The following ATP8A1 variants were observed in gnomAD, a reference collection of about 807,000 sequenced individuals.
The protein encoded by ATP8A1 is phospholipid-transporting ATPase IA.
In ATP8A1, 90 loss-of-function variants were observed where a neutral mutation model predicts 177.7. The observed-to-expected ratio is 0.51, with a 90% CI of 0.43 to 0.60. The LOEUF is 0.60. Among genes scored for constraint, ATP8A1 ranks in the 20% least tolerant of loss-of-function variants. The pLI is 0.00. For missense variants in ATP8A1, 1,072 were observed against 1,392.8 expected (o/e 0.77, Z 3.67); for synonymous variants, 493 against 485.9 (o/e 1.01, Z -0.19).
chr4:42,560,779 G>A (rs1730737037), intron 15 of ATP8A1, among the ~76,000 whole-genome samples: 1 of 152,072 alleles, frequency 6.6e-6, no homozygotes, highest in African/African-American at 2.4e-5. Flanking sequence ...CACTTAGGTT[G>A]CACAGAGAAA....
rs372750011 is a variant in ATP8A1, at chr4:42,468,722, G to A, written c.2325-3646C>T. On this transcript the variant is annotated intron_variant, in intron 25 of 36. Coordinates refer to ENST00000381668, the MANE Select transcript of ATP8A1 (RefSeq NM_006095.2). ...AAATTGGGTACAGTGTATACTGCTC[G>A]GGTGATGGGTACACAAAATCTCACA... Among the ~76,000 whole-genome samples the A allele has an allele frequency of 2.7e-4, 41 of 152,168 alleles. No individual in the cohort carries two copies. The East Asian group carries it at 2.9e-3, about 11-fold the overall frequency.
At chr4:42,612,820 A>G (rs748342834) in intron 5 of ATP8A1, among the ~76,000 whole-genome samples, 2 of 152,196 alleles carry the variant, frequency 1.3e-5, no homozygotes, top group African/African-American at 4.8e-5. Context: ...AGACAAGTTT[A>G]TATTTCTGAA....
intron 20 of ATP8A1, among the ~76,000 whole-genome samples, chr4:42,532,445 C>A (rs1560428890): frequency 6.6e-6 from 1 of 151,724 alleles, no homozygotes; most frequent in Non-Finnish European, 1.5e-5. Context: ...GAGATCGTGC[C>A]ACTGTACTCC....
In ATP8A1 at chr4:42,632,708, A is replaced by G. The variant is rs143097927; in HGVS notation, c.50-5599T>C. 6.1e-3 allele frequency among the ~76,000 whole-genome samples: 936 copies of G among 152,316 alleles called. 11 individuals are homozygous for G. The highest frequency in any genetic ancestry group is 0.021 in the African/African-American group (875 of 41,570). On this transcript the variant is annotated intron_variant, in intron 1 of 36. Transcript: ENST00000381668. The stretch of plus-strand genomic sequence containing the variant: ...AAGGATGCTGGTGGGTCACTATCCT[A>G]ATTATGACTCTGAAGTGAGCAAGTG...
At chr4:42,500,759 T>A (rs1723780333) in intron 24 of ATP8A1, among the ~76,000 whole-genome samples, 1 of 152,208 alleles carries the variant, frequency 6.6e-6, no homozygotes, top group Non-Finnish European at 1.5e-5. Context: ...GGTTTCCCTA[T>A]CAGGTCTGTA....
intron 1 of ATP8A1, among the ~76,000 whole-genome samples, chr4:42,636,142 ACACAC>A: frequency 3.1e-5 from 1 of 32,378 alleles, no homozygotes; most frequent in African/African-American, 6.9e-5. Context: ...ACACACACAC[ACACAC>A]ACACACACAC....
At chr4:42,556,186 TC>T in intron 15 of ATP8A1, 146 bp from the exon 16 acceptor site, 1 of 473,642 alleles carries the variant, frequency 2.1e-6, no homozygotes, top group Admixed American at 4.2e-5. Flanking sequence ...AAGTAAGACA[TC>T]ACAGATTTCA....
At chr4:42,427,496 G>A (rs1160403957) in intron 33 of ATP8A1, among the ~76,000 whole-genome samples, 1 of 152,216 alleles carries the variant, frequency 6.6e-6, no homozygotes. Flanking sequence ...GGAGTGAGAG[G>A]TGTATGGTGG....
chr4:42,453,596 C>A (rs1366987670), intron 29 of ATP8A1, among the ~76,000 whole-genome samples: 2 of 152,128 alleles, frequency 1.3e-5, no homozygotes, highest in East Asian at 3.9e-4. Context: ...TTCCTGGCCA[C>A]AAAAATGTGT....
intron 22 of ATP8A1, among the ~76,000 whole-genome samples, chr4:42,508,073 T>C (rs943011213): frequency 2.6e-5 from 4 of 152,184 alleles, no homozygotes; most frequent in Non-Finnish European, 4.4e-5. Context: ...TCATTAGATA[T>C]TGTCTTGTAC....
intron 6 of ATP8A1, among the ~76,000 whole-genome samples, chr4:42,596,594 G>A (rs1734734222): frequency 6.6e-6 from 1 of 150,786 alleles, no homozygotes; most frequent in South Asian, 2.1e-4. Context: ...TTGAACCCAG[G>A]AGGTGGAGGT....
chr4:42,439,288 T>C (rs951956875), intron 33 of ATP8A1, among the ~76,000 whole-genome samples: 15 of 152,208 alleles, frequency 9.9e-5, no homozygotes, highest in Non-Finnish European at 8.8e-5. Flanking sequence ...GCTGCTTAAG[T>C]ATCACAGTGG....
intron 1 of ATP8A1, among the ~76,000 whole-genome samples, chr4:42,646,757 G>T (rs1695077188): frequency 6.6e-6 from 1 of 152,154 alleles, no homozygotes. Context: ...GCCCTAGATG[G>T]ATCAAGATCA....
At chr4:42,483,444 T>C (rs1721896594) in intron 25 of ATP8A1, among the ~76,000 whole-genome samples, 1 of 151,350 alleles carries the variant, frequency 6.6e-6, no homozygotes, top group African/African-American at 2.4e-5. Flanking sequence ...CTCATGGTCT[T>C]GAAACATGCA....
intron 20 of ATP8A1, 47 bp from the exon 21 acceptor site, chr4:42,524,894 T>A (rs747282796): frequency 7.9e-7 from 1 of 1,272,776 alleles, no homozygotes; most frequent in Non-Finnish European, 1.1e-6. Flanking sequence ...GCATTCTGGG[T>A]TTAATAAAGT....
chr4:42,648,436 C>T (rs1740768198), intron 1 of ATP8A1, among the ~76,000 whole-genome samples: 1 of 151,926 alleles, frequency 6.6e-6, no homozygotes, highest in Non-Finnish European at 1.5e-5. Context: ...GGAAGCACCT[C>T]AAATCAGTGT....
At chr4:42,517,772 G>C (rs191210448) in intron 22 of ATP8A1, among the ~76,000 whole-genome samples, 2 of 152,334 alleles carry the variant, frequency 1.3e-5, no homozygotes, top group African/African-American at 2.4e-5. Context: ...CCATATGAAT[G>C]CAAGTATTGG....
At chr4:42,562,732 G>T (rs971797485) in intron 15 of ATP8A1, among the ~76,000 whole-genome samples, 3 of 152,176 alleles carry the variant, frequency 2.0e-5, no homozygotes, top group African/African-American at 7.2e-5. Context: ...GGTCTTTCCT[G>T]TGCTGTTCTC....
intron 8 of ATP8A1, among the ~76,000 whole-genome samples, chr4:42,586,972 C>A (rs1733671273): frequency 6.6e-6 from 1 of 152,206 alleles, no homozygotes; most frequent in Non-Finnish European, 1.5e-5. Context: ...CACACAGTGG[C>A]AGTCTGGGTC....
Sources: allele counts gnomAD v4.1 joint callset (sites outside exome capture counted in the v4.1 genomes callset), GRCh38; gene constraint gnomAD v4.1.1; transcripts MANE v1.5; gene names NCBI Gene and HGNC (gene_info 2026-07-23, HGNC 2026-07-21).